NAALADL2: variants seen among roughly 807,000 people sequenced by gnomAD.
The protein encoded by NAALADL2 is inactive N-acetylated-alpha-linked acidic dipeptidase-like protein 2.
In NAALADL2, 76 loss-of-function variants were observed where a neutral mutation model predicts 87.2. The observed-to-expected ratio is 0.87, with a 90% CI of 0.72 to 1.05. The LOEUF (loss-of-function observed/expected upper bound fraction) is 1.05. NAALADL2 is among the 50% of genes least tolerant of loss of function. The probability of loss-of-function intolerance (pLI) is 0.00; values close to 1 mark genes in which losing one functional copy is unlikely to be tolerated. For synonymous variants in NAALADL2, 354 were observed against 331.0 expected, an observed-to-expected ratio of 1.07 and a Z score of -0.75; for missense variants, 1,089 against 945.8, an observed-to-expected ratio of 1.15 and a Z score of -1.99.
chr3:175,273,874 T>C (rs892417216), intron 4 of NAALADL2, among the ~76,000 whole-genome samples: 1 of 152,120 alleles, frequency 6.6e-6, no homozygotes, highest in African/African-American at 2.4e-5. Flanking sequence ...GAACATGCAT[T>C]GCTGTTACAG....
chr3:175,457,395 C>T (rs1230902136), intron 6 of NAALADL2, among the ~76,000 whole-genome samples: 1 of 152,034 alleles, frequency 6.6e-6, no homozygotes, highest in African/African-American at 2.4e-5. Flanking sequence ...TTCTTTTATA[C>T]TCAGTAAGCA....
At chr3:174,872,018 C>G (rs959585794) in intron 1 of NAALADL2, among the ~76,000 whole-genome samples, 2 of 152,068 alleles carry the variant, frequency 1.3e-5, no homozygotes, top group African/African-American at 2.4e-5. Context: ...AGCAGGAAAT[C>G]TTTTTTGAAA....
At chr3:175,386,578 C>T (rs1414589201) in intron 5 of NAALADL2, among the ~76,000 whole-genome samples, 2 of 151,896 alleles carry the variant, frequency 1.3e-5, no homozygotes, top group Admixed American at 1.3e-4. Flanking sequence ...CAGTAGTCCA[C>T]CCTTATCCCC....
intron 2 of NAALADL2, among the ~76,000 whole-genome samples, chr3:175,196,488 G>T (rs1739017841): frequency 6.6e-6 from 1 of 151,808 alleles, no homozygotes; most frequent in Admixed American, 6.6e-5. Context: ...TGTTGTGTTG[G>T]TATTTTTTAA....
chr3:175,666,033 C>G (rs1298723417), intron 11 of NAALADL2, among the ~76,000 whole-genome samples: 1 of 152,112 alleles, frequency 6.6e-6, no homozygotes, highest in Non-Finnish European at 1.5e-5. Context: ...TTTTAGAACA[C>G]TGAAATTTTG....
rs554498301 is a variant in NAALADL2, at chr3:175,080,888, T to A, written c.44-15902T>A. Among the ~76,000 whole-genome samples, 19 of 152,322 alleles carry A rather than the reference T, an allele frequency of 1.2e-4. No individual in the cohort carries two copies. In the South Asian group the frequency reaches 3.9e-3, roughly 32 times the overall value. On this transcript the variant is annotated intron_variant, in intron 1 of 13. Transcript: ENST00000454872. The stretch of plus-strand genomic sequence containing the variant: ...TAATTTTAAAGAGAAAAATATAAGA[T>A]TGAATTTTGCCTTTAGAAAGATCTC...
At chr3:175,270,397 A>G (rs1752645874) in intron 4 of NAALADL2, among the ~76,000 whole-genome samples, 1 of 152,054 alleles carries the variant, frequency 6.6e-6, no homozygotes, top group African/African-American at 2.4e-5. Context: ...CGGTTAAATC[A>G]CTCTTCATCC....
At chr3:175,487,168 C>T (rs1727397849) in intron 9 of NAALADL2, among the ~76,000 whole-genome samples, 1 of 152,188 alleles carries the variant, frequency 6.6e-6, no homozygotes, top group South Asian at 2.1e-4. Context: ...CCTTTGCTCA[C>T]TCTGTTGCCA....
rs113327013 is a variant in NAALADL2 at position 175,480,827 on chromosome 3, C to T, written c.1653+9069C>T. Among the ~76,000 whole-genome samples the T allele has an allele frequency of 3.2e-4, 49 of 151,792 alleles. No homozygotes were observed. The South Asian group carries it at 3.3e-3, about 10-fold the overall frequency. Reference sequence around the variant, plus strand: ...GGGTGATTGACATTTTCACTTTAACCTAGAATTTAAATAAAAGAACTATGT... The same window carrying T: ...GGGTGATTGACATTTTCACTTTAACTTAGAATTTAAATAAAAGAACTATGT... On this transcript the variant is annotated intron_variant, in intron 9 of 13. Transcript: ENST00000454872.
At chr3:174,506,583 G>A (rs1719221610) in intron 1 of NAALADL2, among the ~76,000 whole-genome samples, 1 of 151,854 alleles carries the variant, frequency 6.6e-6, no homozygotes, top group Non-Finnish European at 1.5e-5. Flanking sequence ...AAATAATTCT[G>A]AAATGGCTTT....
intron 2 of NAALADL2, among the ~76,000 whole-genome samples, chr3:174,673,439 A>G (rs1202143734): frequency 1.3e-5 from 2 of 152,180 alleles, no homozygotes; most frequent in East Asian, 1.9e-4. Flanking sequence ...GGCTTAATGA[A>G]TGAAGATAAT....
At chr3:175,646,780 G>A (rs1045464318) in intron 11 of NAALADL2, among the ~76,000 whole-genome samples, 1 of 152,078 alleles carries the variant, frequency 6.6e-6, no homozygotes, top group African/African-American at 2.4e-5. Context: ...TTAATGAGGT[G>A]TGATATCTGA....
chr3:175,698,642 G>A (rs1738536612), intron 11 of NAALADL2, among the ~76,000 whole-genome samples: 1 of 150,928 alleles, frequency 6.6e-6, no homozygotes, highest in Non-Finnish European at 1.5e-5. Flanking sequence ...TATACATTAA[G>A]AATAGACAAA....
intron 2 of NAALADL2, among the ~76,000 whole-genome samples, chr3:175,180,034 G>A (rs1212793554): frequency 6.6e-6 from 1 of 151,878 alleles, no homozygotes; most frequent in Non-Finnish European, 1.5e-5. Flanking sequence ...GGCTCATTTA[G>A]CAGGCCATAA....
At chr3:174,919,403 C>T (rs1326261976) in intron 1 of NAALADL2, among the ~76,000 whole-genome samples, 1 of 152,168 alleles carries the variant, frequency 6.6e-6, no homozygotes, top group African/African-American at 2.4e-5. Context: ...GTTGTCATTT[C>T]AGCAATGTTC....
chr3:174,811,432 T>C (rs571402742), intron 3 of NAALADL2, among the ~76,000 whole-genome samples: 47 of 152,120 alleles, frequency 3.1e-4, no homozygotes, highest in Non-Finnish European at 6.5e-4. Context: ...AGACATAGAG[T>C]CAAAGGGGAT....
intron 2 of NAALADL2, chr3:175,218,193 T>C: frequency 2.6e-6 from 1 of 380,752 alleles, no homozygotes; most frequent in Non-Finnish European, 5.2e-6. Flanking sequence ...TTTTAGTTAG[T>C]TTATATATTA....
intron 4 of NAALADL2, among the ~76,000 whole-genome samples, chr3:175,290,633 G>T (rs1171003482): frequency 3.9e-5 from 6 of 152,090 alleles, no homozygotes; most frequent in Non-Finnish European, 7.4e-5. Flanking sequence ...TGTGTCTGAG[G>T]TTGCAATTTT....
intron 10 of NAALADL2, among the ~76,000 whole-genome samples, chr3:175,583,771 T>C (rs1310168465): frequency 6.6e-6 from 1 of 152,226 alleles, no homozygotes; most frequent in African/African-American, 2.4e-5. Flanking sequence ...AAAGTTTTAC[T>C]TAATTTGGTT....
Sources: allele counts gnomAD v4.1 joint callset (sites outside exome capture counted in the v4.1 genomes callset), GRCh38; gene constraint gnomAD v4.1.1; transcripts MANE v1.5; gene names NCBI Gene and HGNC (gene_info 2026-07-23, HGNC 2026-07-21).